PPARGC1B: variants seen among roughly 807,000 people sequenced by gnomAD.
The protein encoded by PPARGC1B is peroxisome proliferator-activated receptor gamma coactivator 1-beta.
A neutral mutation model predicts 101.6 loss-of-function variants in PPARGC1B; 34 were observed. The observed-to-expected ratio is 0.33, with a 90% confidence interval of 0.25 to 0.45. The LOEUF is 0.45. Ranked by LOEUF, PPARGC1B falls within the 20% of genes least tolerant of loss-of-function variation. PPARGC1B has a pLI of 1.00. For missense variants in PPARGC1B, 1,234 were observed against 1,317.6 expected (o/e 0.94, Z 0.98); for synonymous variants, 548 against 539.3 (o/e 1.02, Z -0.22).
chr5:149,804,131 G>C (rs1042982181), intron 1 of PPARGC1B, among the ~76,000 whole-genome samples: 1 of 152,244 alleles, frequency 6.6e-6, no homozygotes, highest in African/African-American at 2.4e-5. Context: ...CCCGGTAAAG[G>C]GGGGTTAGTG....
intron 1 of PPARGC1B, among the ~76,000 whole-genome samples, chr5:149,777,949 C>G (rs1756440287): frequency 8.7e-6 from 1 of 115,588 alleles, no homozygotes; most frequent in South Asian, 3.6e-4. Flanking sequence ...CACACACACA[C>G]ACACACACAC....
At chr5:149,813,058 G>A (rs575190571) in intron 1 of PPARGC1B, among the ~76,000 whole-genome samples, 2 of 152,268 alleles carry the variant, frequency 1.3e-5, no homozygotes, top group African/African-American at 4.8e-5. Flanking sequence ...TGTAGAGTAG[G>A]CCCCTTCTAA....
intron 6 of PPARGC1B, among the ~76,000 whole-genome samples, chr5:149,835,095 G>C (rs1474439986): frequency 6.6e-6 from 1 of 152,240 alleles, no homozygotes; most frequent in Non-Finnish European, 1.5e-5. Context: ...AACCTTGCCT[G>C]TGTCTCCTAA....
At position 149,743,089 on chromosome 5, in the gene PPARGC1B, C is replaced by T. The variant is rs969573962; in HGVS notation, c.78+12669C>T. 7.2e-5 allele frequency among the ~76,000 whole-genome samples: 11 copies of T among 152,098 alleles called. No homozygotes were observed. The South Asian group carries it at 1.9e-3, about 26-fold the overall frequency. On this transcript the variant is annotated intron_variant, in intron 1 of 11. Transcript: ENST00000309241. ...CAGGTCTGTTCCTTACTCTGGCCTT[C>T]CCTGGAGCCTGGTTAAATGTAAACT...
rs778772160 is a variant in PPARGC1B, at chr5:149,833,205, C to T, written c.1132C>T (p.Pro378Ser). 6.2e-6 allele frequency: 10 copies of T among 1,613,256 alleles called. No individual in the cohort carries two copies. In the Admixed American group the frequency reaches 1.0e-4, roughly 16 times the overall value. Residue 378 changes from proline to serine, a missense_variant, in exon 5 of 12, where the codon CCC (proline) becomes TCC (serine). By Grantham distance (74) the Pro-to-Ser change is moderately conservative. This residue lies in a region of PPARGC1B where 734 missense variants were observed against 768.4 expected (regional missense o/e 0.96). Transcript: ENST00000309241. The surrounding 1 kb of genome is among the most constrained non-coding windows in gnomAD (Gnocchi z 4.1). Reference sequence around the variant, plus strand: ...CACACCTCGGTCAAGGCCCAGGCCCCCCAAAGACAGTCAGGCCTCCCCTGG... The same window carrying T: ...CACACCTCGGTCAAGGCCCAGGCCCTCCAAAGACAGTCAGGCCTCCCCTGG... Reference protein sequence around the residue: ...SLTPRSRPRPPKDSQASPGRP... With the variant: ...SLTPRSRPRPSKDSQASPGRP...
At chr5:149,772,260 A>C in intron 1 of PPARGC1B, 3 of 1,546,100 alleles carry the variant, frequency 1.9e-6, no homozygotes, top group South Asian at 2.4e-5. Context: ...CATGGTTGTG[A>C]TGTGGCGATG....
intron 3 of PPARGC1B, among the ~76,000 whole-genome samples, chr5:149,827,772 C>T (rs555569548): frequency 4.2e-4 from 64 of 152,332 alleles, no homozygotes; most frequent in African/African-American, 1.5e-3. Flanking sequence ...CTAGGGAGAA[C>T]ATCAGATTTT....
In PPARGC1B at chr5:149,854,291, G is replaced by A. The variant is rs918883462; in HGVS notation, c.*6733G>A. On this transcript the variant is annotated 3_prime_UTR_variant, in exon 12 of 12. Coordinates refer to ENST00000309241, the MANE Select transcript of PPARGC1B (RefSeq NM_133263.4). ...TTAGGAAGCTTAACAAGGTAACTACGGCCTGAGTGCGTGAGTGTAAGGCTG... is the reference window on the plus strand; with the variant it reads ...TTAGGAAGCTTAACAAGGTAACTACAGCCTGAGTGCGTGAGTGTAAGGCTG... 1 of 151,992 alleles carries A rather than the reference G, an allele frequency of 6.6e-6. No homozygotes were observed. The highest frequency in any genetic ancestry group is 1.5e-5 in the Non-Finnish European group (1 of 68,022). The allele number at this position is 151,992 out of a possible 1,614,324, so 9.4% of individuals were successfully genotyped here.
chr5:149,796,319 G>T (rs949059000), intron 1 of PPARGC1B, among the ~76,000 whole-genome samples: 8 of 152,174 alleles, frequency 5.3e-5, no homozygotes, highest in Admixed American at 2.6e-4. Flanking sequence ...GCAGTGACCA[G>T]CTATTGAGCT....
At chr5:149,799,757 G>C (rs1757372231) in intron 1 of PPARGC1B, among the ~76,000 whole-genome samples, 1 of 141,162 alleles carries the variant, frequency 7.1e-6, no homozygotes, top group Non-Finnish European at 1.5e-5. Context: ...GAGTGCAGTG[G>C]CACAATCTCA....
At chr5:149,750,712 C>T (rs765387104) in intron 1 of PPARGC1B, among the ~76,000 whole-genome samples, 2 of 152,124 alleles carry the variant, frequency 1.3e-5, no homozygotes, top group African/African-American at 4.8e-5. Flanking sequence ...CCACATTTAA[C>T]GTACCATGTG....
intron 1 of PPARGC1B, among the ~76,000 whole-genome samples, chr5:149,746,833 T>C (rs2113105213): frequency 6.6e-6 from 1 of 152,354 alleles, no homozygotes; most frequent in Middle Eastern, 3.4e-3. Context: ...ATTGTAGTTT[T>C]GATTTGCATT....
At chr5:149,846,643 GAAAA>G (rs10690330) in intron 11 of PPARGC1B, 1 of 146,736 alleles carries the variant, frequency 6.8e-6, no homozygotes, top group Non-Finnish European at 1.5e-5. Flanking sequence ...CAAAAGGAAA[GAAAA>G]AAAAAAAAAC....
chr5:149,793,810 C>T (rs905576551), intron 1 of PPARGC1B, among the ~76,000 whole-genome samples: 1 of 152,178 alleles, frequency 6.6e-6, no homozygotes, highest in Non-Finnish European at 1.5e-5. Context: ...GAGAGACGCT[C>T]AGACGGACCA....
At chr5:149,805,196 C>A (rs1433976111) in intron 1 of PPARGC1B, among the ~76,000 whole-genome samples, 1 of 152,208 alleles carries the variant, frequency 6.6e-6, no homozygotes, top group Non-Finnish European at 1.5e-5. Flanking sequence ...GGAATGCCCA[C>A]TTTGCTGGAT....
rs70973546 is a variant in PPARGC1B at position 149,809,477 on chromosome 5, CATAGATAGATAGATAGATAGATAGATAG to C, written c.79-10932_79-10905del. On this transcript the variant is annotated intron_variant, in intron 1 of 11. Transcript: ENST00000309241. ...GATAGATAGATAGATCCATCTCTAC[CATAGATAGATAGATAGATAGATAGATAG>C]ATAGATAGATAGATAGATAGATAAG... 9.1e-5 allele frequency among the ~76,000 whole-genome samples: 5 copies of C among 54,818 alleles called. No homozygotes were observed. The South Asian group carries it at 1.8e-3, about 20-fold the overall frequency. The allele number at this position is 54,818 out of a possible 152,430, so 36.0% of individuals were successfully genotyped here. A position where few individuals can be genotyped will look rare whatever the true frequency, so the allele number is the denominator to read the frequency against.
At chr5:149,739,850 G>C (rs1194301190) in intron 1 of PPARGC1B, 1 of 152,424 alleles carries the variant, frequency 6.6e-6, no homozygotes, top group East Asian at 1.9e-4. Flanking sequence ...GTGAGGGAGA[G>C]GGAGCCAAGG....
chr5:149,776,977 C>G (rs1189177234), intron 1 of PPARGC1B, among the ~76,000 whole-genome samples: 1 of 152,174 alleles, frequency 6.6e-6, no homozygotes, highest in African/African-American at 2.4e-5. Flanking sequence ...CCCAGCTCTT[C>G]CATTATTGTT....
At chr5:149,750,636 TGCTG>T (rs1755263573) in intron 1 of PPARGC1B, among the ~76,000 whole-genome samples, 1 of 152,060 alleles carries the variant, frequency 6.6e-6, no homozygotes, top group Admixed American at 6.6e-5. Context: ...ACAGAGCCGC[TGCTG>T]GCTCAACCAT....
Sources: allele counts gnomAD v4.1 joint callset (sites outside exome capture counted in the v4.1 genomes callset), GRCh38; gene constraint gnomAD v4.1.1; regional missense constraint gnomAD v4.1.1; non-coding constraint Gnocchi (gnomAD v3.1); transcripts MANE v1.5; gene names NCBI Gene and HGNC (gene_info 2026-07-23, HGNC 2026-07-21).